The following THSD7A variants were observed in gnomAD, a reference collection of about 807,000 sequenced individuals.
The protein encoded by THSD7A is thrombospondin type-1 domain-containing protein 7A.
THSD7A carries 96 observed loss-of-function variants against 231.3 expected under a neutral mutation model. The ratio of observed to expected loss-of-function variants is 0.41; its 90% CI spans 0.35 to 0.49. The LOEUF (loss-of-function observed/expected upper bound fraction) is 0.49. THSD7A is among the 20% of genes least tolerant of loss of function. The pLI is 0.05. For missense variants in THSD7A, 2,290 were observed against 2,070.2 expected, an observed-to-expected ratio of 1.11 and a Z score of -2.06; for synonymous variants, 940 against 743.3, an observed-to-expected ratio of 1.26 and a Z score of -4.30.
At position 11,686,705 on chromosome 7, in the gene THSD7A, A is replaced by G. The variant is rs114247390; in HGVS notation, c.191-49744T>C. Among the ~76,000 whole-genome samples the G allele has an allele frequency of 7.8e-3, 1,179 of 152,064 alleles. 19 individuals are homozygous for G. The highest frequency in any genetic ancestry group is 0.027 in the African/African-American group (1,139 of 41,544). On this transcript the variant is annotated intron_variant, in intron 1 of 27. Coordinates refer to ENST00000423059, the MANE Select transcript of THSD7A (RefSeq NM_015204.3). ...AGCAACATGAATGCAGCTGGAGGCC[A>G]TAATCCTAAGCAAATCAGTGCAGGA...
chr7:11,389,421 CTTTTTTTTTTTTTTTTTTTTTTTT>C lies in THSD7A; in HGVS notation c.4412-6829_4412-6806del, dbSNP rs57755425. Among the ~76,000 whole-genome samples, 73 of 37,588 alleles carry C rather than the reference CTTTTTTTTTTTTTTTTTTTTTTTT, an allele frequency of 1.9e-3. 2 individuals are homozygous for C. The highest frequency in any genetic ancestry group is 2.9e-3 in the Non-Finnish European group (59 of 20,700). 24.7% of individuals were successfully genotyped at this position (37,588 alleles called of 152,430 possible). ...TCAGAGACTAGAATTGCAACTCCTG[CTTTTTTTTTTTTTTTTTTTTTTTT>C]TTTTTTTTTTTTTTTGCTATTTGCT... On this transcript the variant is annotated intron_variant, in intron 23 of 27. Coordinates refer to ENST00000423059, the MANE Select transcript of THSD7A (RefSeq NM_015204.3).
intron 16 of THSD7A, among the ~76,000 whole-genome samples, chr7:11,423,986 C>A (rs937231735): frequency 2.0e-5 from 3 of 152,072 alleles, no homozygotes; most frequent in Non-Finnish European, 4.4e-5. Flanking sequence ...AGGGGATAGA[C>A]ATGAAGAGGG....
intron 1 of THSD7A, chr7:11,821,250 C>T: frequency 8.7e-7 from 1 of 1,145,916 alleles, no homozygotes; most frequent in Non-Finnish European, 1.3e-6. Context: ...AGGGTCTACG[C>T]TGAGACTGAG....
intron 1 of THSD7A, among the ~76,000 whole-genome samples, chr7:11,766,572 G>C (rs912076680): frequency 2.6e-5 from 4 of 151,986 alleles, no homozygotes; most frequent in African/African-American, 9.7e-5. Context: ...ATGTGGACTT[G>C]GTAAATATGT....
At chr7:11,458,712 G>A (rs1785394971) in intron 11 of THSD7A, among the ~76,000 whole-genome samples, 1 of 152,056 alleles carries the variant, frequency 6.6e-6, no homozygotes, top group Non-Finnish European at 1.5e-5. Context: ...AGAGGGAGTG[G>A]GTAACAAGTA....
At chr7:11,416,877 G>A (rs1409067970) in intron 17 of THSD7A, among the ~76,000 whole-genome samples, 15 of 152,104 alleles carry the variant, frequency 9.9e-5, no homozygotes, top group Non-Finnish European at 2.2e-4. Context: ...CTCTCAGCTG[G>A]CTTTCCAGGC....
At chr7:11,651,421 G>T (rs977434068) in intron 1 of THSD7A, among the ~76,000 whole-genome samples, 2 of 151,838 alleles carry the variant, frequency 1.3e-5, no homozygotes, top group Admixed American at 6.6e-5. Flanking sequence ...ACTTAGAAAT[G>T]GTCAAAATAG....
At chr7:11,796,117 G>A (rs1311194077) in intron 1 of THSD7A, among the ~76,000 whole-genome samples, 1 of 141,836 alleles carries the variant, frequency 7.1e-6, no homozygotes, top group Non-Finnish European at 1.5e-5. Flanking sequence ...GTGTAACGAT[G>A]TAGACACTTA....
intron 2 of THSD7A, among the ~76,000 whole-genome samples, chr7:11,623,062 A>T (rs1267630095): frequency 2.0e-5 from 3 of 152,188 alleles, no homozygotes; most frequent in African/African-American, 7.2e-5. Context: ...TCAGTGCTTT[A>T]TACTTGCCTA....
intron 13 of THSD7A, among the ~76,000 whole-genome samples, chr7:11,434,190 G>T (rs1583732988): frequency 6.6e-6 from 1 of 152,094 alleles, no homozygotes; most frequent in East Asian, 1.9e-4. Flanking sequence ...ATGTTTTAAG[G>T]CTAAATAAAC....
chr7:11,712,013 C>T (rs772193240), intron 1 of THSD7A, among the ~76,000 whole-genome samples: 22 of 150,984 alleles, frequency 1.5e-4, no homozygotes, highest in Admixed American at 4.6e-4. Context: ...CAGCTGAAAC[C>T]TTCCTCCCAG....
At chr7:11,674,037 C>A (rs1251886879) in intron 1 of THSD7A, among the ~76,000 whole-genome samples, 1 of 151,864 alleles carries the variant, frequency 6.6e-6, no homozygotes, top group Admixed American at 6.6e-5. Flanking sequence ...CCAACACACA[C>A]CGACTCTACA....
intron 4 of THSD7A, among the ~76,000 whole-genome samples, chr7:11,566,965 T>TAGCGGGGGCGGGG: frequency 1.1e-5 from 1 of 92,306 alleles, no homozygotes. Flanking sequence ...TGTGGGAGAG[T>TAGCGGGGGCGGGG]GGGGGGGGGA....
rs899705200 is a variant in THSD7A at position 11,770,360 on chromosome 7, T to C, written c.190+61397A>G. 3.9e-5 allele frequency among the ~76,000 whole-genome samples: 6 copies of C among 152,278 alleles called. No homozygotes were observed. In the South Asian group the frequency reaches 1.2e-3, roughly 32 times the overall value. On this transcript the variant is annotated intron_variant, in intron 1 of 27. Transcript: ENST00000423059. ...TTAATTGCAATTGCCATAATCTGGTTTAATCCTAGGTTTGCTCAAAATGTG... is the reference window on the plus strand; with the variant it reads ...TTAATTGCAATTGCCATAATCTGGTCTAATCCTAGGTTTGCTCAAAATGTG...
At chr7:11,687,131 G>T (rs936956618) in intron 1 of THSD7A, among the ~76,000 whole-genome samples, 1 of 151,618 alleles carries the variant, frequency 6.6e-6, no homozygotes, top group African/African-American at 2.4e-5. Flanking sequence ...TGAGTTTTTG[G>T]TGACCCCAAT....
At chr7:11,825,825 A>G (rs981830262) in intron 1 of THSD7A, among the ~76,000 whole-genome samples, 10 of 152,146 alleles carry the variant, frequency 6.6e-5, no homozygotes, top group African/African-American at 1.7e-4. Flanking sequence ...TGTCTACCCT[A>G]TTCCATCCTT....
chr7:11,421,251 A>T (rs1279162097), intron 16 of THSD7A, among the ~76,000 whole-genome samples: 1 of 152,108 alleles, frequency 6.6e-6, no homozygotes, highest in African/African-American at 2.4e-5. Context: ...AGGTGATTGG[A>T]TCATAGGGCA....
Position 11,590,556 on chromosome 7 carries a change from C to T in THSD7A, c.1357G>A (p.Ala453Thr), listed in dbSNP as rs2128340881. The part of the protein sequence containing the change: ...QQDKRRGNQT[A>T]LCGGGIQTRE... The stretch of plus-strand genomic sequence containing the variant: ...GTCTGGATGCCCCCTCCACAGAGGG[C>T]CGTCTGGTTGCCGCGCCTCTTGTCC... The change falls in exon 4 of 28, where the codon GCC (alanine) becomes ACC (threonine). Residue 453 changes from alanine to threonine, a missense_variant. Ala to Thr is a moderately conservative substitution (Grantham distance 58). Transcript: ENST00000423059. The surrounding 1 kb of genome is among the most constrained non-coding windows in gnomAD (Gnocchi z 4.4). The T allele has an allele frequency of 6.2e-7, 1 of 1,613,854 alleles. No homozygotes were observed. Among genetic ancestry groups the T allele is most frequent in the South Asian group, 1.1e-5 (1 of 91,066 alleles).
intron 1 of THSD7A, among the ~76,000 whole-genome samples, chr7:11,729,215 A>C (rs919477895): frequency 6.6e-6 from 1 of 151,836 alleles, no homozygotes; most frequent in African/African-American, 2.4e-5. Context: ...ATGCAAAAAC[A>C]AACATTTATA....
Sources: gnomAD v4.1 joint callset for allele counts (sites outside exome capture counted in the v4.1 genomes callset) on GRCh38, gnomAD v4.1.1 for gene constraint, Gnocchi (gnomAD v3.1) non-coding constraint, MANE v1.5 for transcripts, NCBI Gene and HGNC (gene_info 2026-07-23, HGNC 2026-07-21) for gene names.